CTNND2: variants seen among roughly 807,000 people sequenced by gnomAD.
CTNND2 encodes catenin delta 2.
A neutral mutation model predicts 144.4 loss-of-function variants in CTNND2; 22 were observed. That is an observed-to-expected ratio of 0.15 (90% CI 0.11 to 0.22). CTNND2 has a LOEUF of 0.22. Among genes scored for constraint, CTNND2 ranks in the 10% least tolerant of loss-of-function variants. The pLI, the probability that CTNND2 is intolerant of heterozygous loss-of-function variation, is 1.00. For synonymous variants in CTNND2, 751 were observed against 695.6 expected (o/e 1.08, Z -1.25); for missense variants, 1,353 against 1,618.8 (o/e 0.84, Z 2.82).
chr5:11,484,226 G>A (rs1768581550), intron 3 of CTNND2, among the ~76,000 whole-genome samples: 1 of 152,170 alleles, frequency 6.6e-6, no homozygotes, highest in African/African-American at 2.4e-5. Context: ...ATCTAGCCGA[G>A]TGTTCTGCTC....
At chr5:11,637,009 T>G (rs1308887331) in intron 2 of CTNND2, among the ~76,000 whole-genome samples, 8 of 152,144 alleles carry the variant, frequency 5.3e-5, no homozygotes, top group Non-Finnish European at 1.2e-4. Context: ...GTTACCAGCA[T>G]GAAAAGGAGT....
intron 9 of CTNND2, among the ~76,000 whole-genome samples, chr5:11,274,115 ACGC>A (rs1466903249): frequency 6.6e-6 from 1 of 152,146 alleles, no homozygotes; most frequent in Non-Finnish European, 1.5e-5. Context: ...ACAACAGTCC[ACGC>A]CGCCAACATT....
chr5:11,863,440 G>A (rs1434443616), intron 1 of CTNND2, among the ~76,000 whole-genome samples: 3 of 152,116 alleles, frequency 2.0e-5, no homozygotes, highest in African/African-American at 7.2e-5. Flanking sequence ...ATTTTTGATT[G>A]GTGTAAGCAT....
At chr5:11,896,014 T>C (rs904643267) in intron 1 of CTNND2, among the ~76,000 whole-genome samples, 3 of 152,132 alleles carry the variant, frequency 2.0e-5, no homozygotes, top group African/African-American at 7.2e-5. Context: ...ATATAAATTA[T>C]ATAATCTTCC....
At chr5:11,731,048 A>G (rs945739444) in intron 2 of CTNND2, among the ~76,000 whole-genome samples, 2 of 152,194 alleles carry the variant, frequency 1.3e-5, no homozygotes, top group African/African-American at 4.8e-5. Flanking sequence ...AAACTAATCA[A>G]GGAGCACAGC....
chr5:11,591,141 T>A (rs1779218767), intron 2 of CTNND2, among the ~76,000 whole-genome samples: 1 of 152,180 alleles, frequency 6.6e-6, no homozygotes, highest in Non-Finnish European at 1.5e-5. Context: ...CAGAGGCATT[T>A]TTCACCTAGA....
chr5:11,474,020 T>C (rs777133118), intron 3 of CTNND2, among the ~76,000 whole-genome samples: 30 of 152,380 alleles, frequency 2.0e-4, no homozygotes, highest in East Asian at 3.9e-4. Flanking sequence ...ATCGAGAGCC[T>C]GAAGCATGGC....
intron 3 of CTNND2, among the ~76,000 whole-genome samples, chr5:11,498,897 A>G (rs1385839006): frequency 6.6e-6 from 1 of 152,240 alleles, no homozygotes; most frequent in East Asian, 1.9e-4. Flanking sequence ...TGGCTCAAGC[A>G]GTCTAAGATC....
In CTNND2 at chr5:11,018,856, G is replaced by A. The variant is rs535806666; in HGVS notation, c.3000-798C>T. 2.1e-4 allele frequency among the ~76,000 whole-genome samples: 32 copies of A among 152,094 alleles called. No individual in the cohort carries two copies. In the South Asian group the frequency reaches 5.6e-3, roughly 27 times the overall value. ...CTCCTGAGTAGCTGGGATTACAGGC[G>A]TGTGCCACCATGCCCAGCTATTTTG... On this transcript the variant is annotated intron_variant, in intron 17 of 21. Transcript: ENST00000304623.
At position 11,476,116 on chromosome 5, in the gene CTNND2, C is replaced by T. The variant is rs115821418; in HGVS notation, c.288-64047G>A. Among the ~76,000 whole-genome samples, 748 of 151,892 alleles carry T rather than the reference C, an allele frequency of 4.9e-3. 8 individuals are homozygous for T. The highest frequency in any genetic ancestry group is 0.017 in the African/African-American group (720 of 41,360). On this transcript the variant is annotated intron_variant, in intron 3 of 21. Coordinates refer to ENST00000304623, the MANE Select transcript of CTNND2 (RefSeq NM_001332.4). Reference sequence around the variant, plus strand: ...GAACTCCTTGACTCAAGTTATCCGCCCACCTCGGCATCCCAAAGTGCTGGG... The same window carrying T: ...GAACTCCTTGACTCAAGTTATCCGCTCACCTCGGCATCCCAAAGTGCTGGG...
rs1745302257 is a variant in CTNND2 at position 11,046,754 on chromosome 5, G to C, written c.2789-23775C>G. On this transcript the variant is annotated intron_variant, in intron 16 of 21. Transcript: ENST00000304623. ...AATAAATAAAATAAATAAAAATGAT[G>C]CTTCAGTTAATCACATTGGCTGCCA... Among the ~76,000 whole-genome samples the C allele has an allele frequency of 2.6e-5, 4 of 152,212 alleles. No homozygotes were observed. The South Asian group carries it at 8.3e-4, about 32-fold the overall frequency.
intron 1 of CTNND2, among the ~76,000 whole-genome samples, chr5:11,779,260 C>T (rs1790417135): frequency 6.6e-6 from 1 of 152,198 alleles, no homozygotes; most frequent in East Asian, 1.9e-4. Flanking sequence ...CTCACACACC[C>T]TAATTCAACA....
chr5:11,884,696 T>C (rs1211962760), intron 1 of CTNND2, among the ~76,000 whole-genome samples: 1 of 152,082 alleles, frequency 6.6e-6, no homozygotes, highest in Non-Finnish European at 1.5e-5. Flanking sequence ...ATCAGTACTA[T>C]CTTGAAAAAA....
At chr5:11,702,953 G>T (rs943898344) in intron 2 of CTNND2, among the ~76,000 whole-genome samples, 1 of 152,088 alleles carries the variant, frequency 6.6e-6, no homozygotes, top group Non-Finnish European at 1.5e-5. Flanking sequence ...ACCAACATCC[G>T]CAACACTCAG....
At chr5:11,518,173 G>C (rs1772362959) in intron 3 of CTNND2, among the ~76,000 whole-genome samples, 1 of 152,178 alleles carries the variant, frequency 6.6e-6, no homozygotes, top group African/African-American at 2.4e-5. Flanking sequence ...CTATTGCCTA[G>C]TGATATCATC....
intron 2 of CTNND2, among the ~76,000 whole-genome samples, chr5:11,567,163 T>C (rs948041792): frequency 4.0e-5 from 6 of 151,170 alleles, no homozygotes; most frequent in African/African-American, 1.5e-4. Context: ...ATTTTTTTAT[T>C]TTTTTTTTAA....
intron 3 of CTNND2, among the ~76,000 whole-genome samples, chr5:11,526,407 C>T (rs1473686100): frequency 6.6e-6 from 1 of 152,162 alleles, no homozygotes; most frequent in Non-Finnish European, 1.5e-5. Context: ...CTTCAAGTCG[C>T]AGTTTCCGGA....
At chr5:11,296,551 C>T (rs554080756) in intron 9 of CTNND2, among the ~76,000 whole-genome samples, 1 of 152,258 alleles carries the variant, frequency 6.6e-6, no homozygotes, top group South Asian at 2.1e-4. Context: ...TACTGCGGCA[C>T]TATTCACAAT....
intron 12 of CTNND2, among the ~76,000 whole-genome samples, chr5:11,152,216 G>C (rs116018684): frequency 2.2e-3 from 333 of 152,320 alleles, no homozygotes; most frequent in African/African-American, 7.8e-3. Context: ...TGACCTAAAT[G>C]CATCAGGCTG....
Sources: gnomAD v4.1 joint callset for allele counts (sites outside exome capture counted in the v4.1 genomes callset) on GRCh38, gnomAD v4.1.1 for gene constraint, MANE v1.5 for transcripts, NCBI Gene and HGNC (gene_info 2026-07-23, HGNC 2026-07-21) for gene names.